The following SMARCC1 variants were observed in gnomAD, a reference collection of about 807,000 sequenced individuals.
SMARCC1 encodes SWI/SNF complex subunit SMARCC1.
A neutral mutation model predicts 147.4 loss-of-function variants in SMARCC1; 43 were observed. The observed-to-expected ratio is 0.29, with a 90% CI of 0.23 to 0.38. The LOEUF is 0.38. SMARCC1 is among the 10% of genes least tolerant of loss of function. The pLI is 1.00. For missense variants in SMARCC1, 1,119 were observed against 1,381.1 expected (o/e 0.81, Z 3.01); for synonymous variants, 495 against 484.4 (o/e 1.02, Z -0.29).
At chr3:47,631,031 T>C (rs1473804204) in intron 24 of SMARCC1, among the ~76,000 whole-genome samples, 1 of 151,864 alleles carries the variant, frequency 6.6e-6, no homozygotes, top group Non-Finnish European at 1.5e-5. Context: ...CATCACTGCA[T>C]TCTAGCCTGG....
intron 14 of SMARCC1, among the ~76,000 whole-genome samples, chr3:47,684,112 C>A (rs974037877): frequency 6.0e-5 from 9 of 151,018 alleles, no homozygotes; most frequent in African/African-American, 2.2e-4. Context: ...TAGTGGCGGG[C>A]GCCTGTAGTC....
At chr3:47,753,203 T>C (rs1003720945) in intron 2 of SMARCC1, among the ~76,000 whole-genome samples, 3 of 151,310 alleles carry the variant, frequency 2.0e-5, no homozygotes, top group Middle Eastern at 3.4e-3. Context: ...GACACGTCTG[T>C]AGTCCCAGCT....
intron 26 of SMARCC1, among the ~76,000 whole-genome samples, chr3:47,595,203 G>C (rs2032252367): frequency 6.6e-6 from 1 of 152,140 alleles, no homozygotes; most frequent in Non-Finnish European, 1.5e-5. Context: ...TGCTAGGAAA[G>C]TTTGTGTACG....
At chr3:47,736,548 C>A (rs931031474) in intron 4 of SMARCC1, among the ~76,000 whole-genome samples, 3 of 151,774 alleles carry the variant, frequency 2.0e-5, no homozygotes. Context: ...TGGTGGTGGG[C>A]GCCTGTAGTC....
intron 2 of SMARCC1, among the ~76,000 whole-genome samples, chr3:47,754,266 A>C (rs1047719927): frequency 6.6e-6 from 1 of 150,846 alleles, no homozygotes; most frequent in South Asian, 2.1e-4. Flanking sequence ...GCAGTGGTGC[A>C]ATTTCAGCTC....
At chr3:47,630,276 C>T (rs1230008952) in intron 24 of SMARCC1, among the ~76,000 whole-genome samples, 1 of 152,142 alleles carries the variant, frequency 6.6e-6, no homozygotes, top group Non-Finnish European at 1.5e-5. Flanking sequence ...CCCTCGCATG[C>T]ACAGTTCACA....
rs1382159446 is a variant in SMARCC1, at chr3:47,680,444, G to C, written c.1450C>G (p.Pro484Ala). ...FFNGKNKSKTPEIYLAYRNFM... is the reference protein window; with the variant it reads ...FFNGKNKSKTAEIYLAYRNFM... Reference sequence around the variant, plus strand: ...CTAAAACACTGGCCTCACATTTCTGGAGTCTTGGATTTGTTTTTTCCATTG... The same window carrying C: ...CTAAAACACTGGCCTCACATTTCTGCAGTCTTGGATTTGTTTTTTCCATTG... The change falls in exon 15 of 28, where the codon CCA becomes GCA. Residue 484 changes from proline (P) to alanine (A), a missense_variant. Pro to Ala is a conservative substitution (Grantham distance 27). This residue lies in a region of SMARCC1 where 542 missense variants were observed against 611.8 expected (regional missense o/e 0.89). Coordinates refer to ENST00000254480, the MANE Select transcript of SMARCC1 (RefSeq NM_003074.4). 1.2e-6 allele frequency: 2 copies of C among 1,609,490 alleles called. No homozygotes were observed. Among genetic ancestry groups the C allele is most frequent in the African/African-American group, 2.7e-5 (2 of 74,716 alleles).
chr3:47,612,928 C>G, intron 25 of SMARCC1, among the ~76,000 whole-genome samples: 1 of 152,184 alleles, frequency 6.6e-6, no homozygotes, highest in Admixed American at 6.5e-5. Context: ...TGCAGCAGAG[C>G]TTGCCACCAT....
At chr3:47,668,646 T>A (rs1459779673) in intron 19 of SMARCC1, among the ~76,000 whole-genome samples, 1 of 152,184 alleles carries the variant, frequency 6.6e-6, no homozygotes, top group Non-Finnish European at 1.5e-5. Context: ...ATATTTGGAA[T>A]GCTGCCTGTG....
intron 3 of SMARCC1, among the ~76,000 whole-genome samples, chr3:47,739,407 A>C (rs1339364430): frequency 6.6e-6 from 1 of 152,176 alleles, no homozygotes; most frequent in Non-Finnish European, 1.5e-5. Context: ...TGTAACCTTG[A>C]ACTCCTGGGC....
At chr3:47,715,634 A>C (rs2034146382) in intron 7 of SMARCC1, among the ~76,000 whole-genome samples, 1 of 152,140 alleles carries the variant, frequency 6.6e-6, no homozygotes, top group East Asian at 1.9e-4. Context: ...AGTCCACATC[A>C]CTCTACTGAT....
At position 47,610,050 on chromosome 3, in the gene SMARCC1, A is replaced by C. The variant is rs758062372; in HGVS notation, c.3043+16T>G. The C allele has an allele frequency of 7.6e-5, 122 of 1,611,066 alleles. No individual in the cohort carries two copies. The highest frequency in any genetic ancestry group is 1.7e-6 in the Non-Finnish European group (2 of 1,179,492). On this transcript the variant is annotated intron_variant, in intron 26 of 27. Transcript: ENST00000254480. ...GTGACCATAAGCTTTTTCCAAGAGCAGGGCCTTCCTCTTACCTGGCTGGGG... is the reference window on the plus strand; with the variant it reads ...GTGACCATAAGCTTTTTCCAAGAGCCGGGCCTTCCTCTTACCTGGCTGGGG...
chr3:47,731,992 C>A (rs2034380011), intron 5 of SMARCC1, among the ~76,000 whole-genome samples: 2 of 152,196 alleles, frequency 1.3e-5, no homozygotes, highest in Admixed American at 6.5e-5. Flanking sequence ...CTAACTATGA[C>A]AGTCCTAAAT....
intron 25 of SMARCC1, among the ~76,000 whole-genome samples, chr3:47,613,607 G>A (rs1178938725): frequency 2.6e-5 from 4 of 152,002 alleles, no homozygotes; most frequent in African/African-American, 7.2e-5. Context: ...TGATCCGCCC[G>A]CCTCAGCCTC....
chr3:47,607,725 C>T (rs910431555), intron 26 of SMARCC1, among the ~76,000 whole-genome samples: 4 of 152,118 alleles, frequency 2.6e-5, no homozygotes, highest in Non-Finnish European at 5.9e-5. Context: ...AAACAGTTCT[C>T]ACAAGCTACA....
At chr3:47,702,712 C>T (rs2033938596) in intron 10 of SMARCC1, among the ~76,000 whole-genome samples, 1 of 152,218 alleles carries the variant, frequency 6.6e-6, no homozygotes, top group Non-Finnish European at 1.5e-5. Flanking sequence ...GATCCTCCTG[C>T]CTCAGGCTCC....
At chr3:47,753,571 G>A (rs892621548) in intron 2 of SMARCC1, among the ~76,000 whole-genome samples, 8 of 151,574 alleles carry the variant, frequency 5.3e-5, no homozygotes, top group South Asian at 2.1e-4. Context: ...AAAATCAGCC[G>A]GGCGTGGTGG....
At chr3:47,682,972 A>C (rs952990037) in intron 14 of SMARCC1, among the ~76,000 whole-genome samples, 2 of 152,254 alleles carry the variant, frequency 1.3e-5, no homozygotes, top group African/African-American at 4.8e-5. Flanking sequence ...CTGATGTTCA[A>C]AGATATGCAC....
Position 47,610,872 on chromosome 3 carries a change from C to A in SMARCC1, c.2782-545G>T. ...ACGTGGCCTTAGCTGCAAAGATATGCATTTCTCTATGTGGAACTTTGGCAG... is the reference window on the plus strand; with the variant it reads ...ACGTGGCCTTAGCTGCAAAGATATGAATTTCTCTATGTGGAACTTTGGCAG... On this transcript the variant is annotated intron_variant, in intron 25 of 27. Transcript: ENST00000254480. 1.3e-5 allele frequency: 2 copies of A among 154,390 alleles called. 1 individual carries two copies. Among genetic ancestry groups the A allele is most frequent in the Non-Finnish European group, 2.9e-5 (2 of 69,214 alleles). 9.6% of individuals were successfully genotyped at this position (154,390 alleles called of 1,614,324 possible). A position where few individuals can be genotyped will look rare whatever the true frequency, so the allele number is the denominator to read the frequency against.
Sources: gnomAD v4.1 joint callset for allele counts (sites outside exome capture counted in the v4.1 genomes callset) on GRCh38, gnomAD v4.1.1 for gene constraint, gnomAD v4.1.1 regional missense constraint, MANE v1.5 for transcripts, NCBI Gene and HGNC (gene_info 2026-07-23, HGNC 2026-07-21) for gene names.